SPTB: variants seen among roughly 807,000 people sequenced by gnomAD.
The protein encoded by SPTB is spectrin beta, erythrocytic, also known as spectrin beta chain, erythrocytic.
In SPTB, 45 loss-of-function variants were observed where a neutral mutation model predicts 256.2. That is an observed-to-expected ratio of 0.18 (90% CI 0.14 to 0.23). The LOEUF (loss-of-function observed/expected upper bound fraction) is 0.23, where lower values mean the gene tolerates loss of function less well. Ranked by LOEUF, SPTB falls within the 10% of genes least tolerant of loss-of-function variation. SPTB has a pLI of 1.00. For synonymous variants in SPTB, 1,231 were observed against 1,243.1 expected (o/e 0.99, Z 0.21); for missense variants, 2,715 against 3,040.4 (o/e 0.89, Z 2.52).
In SPTB at chr14:64,872,206, C is replaced by G. The variant is rs979124413; in HGVS notation, c.-52+7586G>C. On this transcript the variant is annotated intron_variant, in intron 1 of 35. Transcript: ENST00000644917. ...ATACATCACCATCTCAGTAAACGAC[C>G]TTTTTGTTCATCCAGTTGTTCAGGC... 2.6e-5 allele frequency among the ~76,000 whole-genome samples: 4 copies of G among 152,274 alleles called. No homozygotes were observed. In the South Asian group the frequency reaches 8.3e-4, roughly 32 times the overall value.
At chr14:64,782,919 G>A (rs938063636) in intron 19 of SPTB, among the ~76,000 whole-genome samples, 1 of 152,100 alleles carries the variant, frequency 6.6e-6, no homozygotes, top group Non-Finnish European at 1.5e-5. Flanking sequence ...GCTGGTAGGG[G>A]AAGCTGGGCA....
rs560293962 is a variant in SPTB at position 64,820,393 on chromosome 14, C to T, written c.148+2554G>A. ...TTTAGACCTTTCCAAAGCTTTAGCT[C>T]AAGCCCAGGTCACTTAGAGTGGACT... On this transcript the variant is annotated intron_variant, in intron 2 of 35. Transcript: ENST00000644917. Among the ~76,000 whole-genome samples, 11 of 152,334 alleles carry T rather than the reference C, an allele frequency of 7.2e-5. No homozygotes were observed. In the South Asian group the frequency reaches 8.3e-4, roughly 11 times the overall value.
chr14:64,774,342 G>C, intron 24 of SPTB, 55 bp downstream of exon 24: 1 of 1,543,452 alleles, frequency 6.5e-7, no homozygotes, highest in Non-Finnish European at 8.8e-7. Context: ...TTGGCTGGTG[G>C]GCCCCTGGCT....
At chr14:64,766,178 G>A (rs2082177484) in intron 32 of SPTB, among the ~76,000 whole-genome samples, 1 of 150,716 alleles carries the variant, frequency 6.6e-6, no homozygotes, top group Admixed American at 6.6e-5. Flanking sequence ...GTGTATGTGT[G>A]TGTGTATGTG....
rs544162912 is a variant in SPTB, at chr14:64,844,143, G to A, written c.-51-20998C>T. ...CCCAGGCTGGGTAGAGAATCTTCAC[G>A]AAGAATGTGATGGCCATGATCTCCA... On this transcript the variant is annotated intron_variant, in intron 1 of 35. Transcript: ENST00000644917. This position sits in a 1 kb window ranked among gnomAD's most constrained non-coding sequence, Gnocchi z 4.1. 6.6e-5 allele frequency among the ~76,000 whole-genome samples: 10 copies of A among 152,130 alleles called. No homozygotes were observed. The East Asian group carries it at 9.6e-4, about 15-fold the overall frequency.
chr14:64,767,150 G>A (rs533150213), intron 31 of SPTB, among the ~76,000 whole-genome samples, 153 bp downstream of exon 31: 19 of 152,308 alleles, frequency 1.2e-4, no homozygotes, highest in Admixed American at 4.6e-4. Context: ...GGTCCTCTGC[G>A]CTCATGCTCA....
At chr14:64,776,170 C>T (rs1388354541) in intron 22 of SPTB, among the ~76,000 whole-genome samples, 1 of 152,186 alleles carries the variant, frequency 6.6e-6, no homozygotes, top group Non-Finnish European at 1.5e-5. Context: ...TCTTCCCTCT[C>T]TATATAATTT....
chr14:64,852,610 G>A lies in SPTB; in HGVS notation c.-52+27182C>T, dbSNP rs1255407036. Among the ~76,000 whole-genome samples, 1 of 152,180 alleles carries A rather than the reference G, an allele frequency of 6.6e-6. No homozygotes were observed. The highest frequency in any genetic ancestry group is 1.5e-5 in the Non-Finnish European group (1 of 68,028). On this transcript the variant is annotated intron_variant, in intron 1 of 35. Transcript: ENST00000644917. The surrounding 1 kb of genome is among the most constrained non-coding windows in gnomAD (Gnocchi z 4.2). ...TAGCCAAGATGGTGGGGAGCAATCA[G>A]CTTACAAAACTATGTAGGATACTGG...
At chr14:64,818,881 A>G (rs746374411) in intron 2 of SPTB, among the ~76,000 whole-genome samples, 1 of 152,206 alleles carries the variant, frequency 6.6e-6, no homozygotes, top group Non-Finnish European at 1.5e-5. Flanking sequence ...TAATCCCTGA[A>G]AACAGGTCCA....
chr14:64,879,446 T>A (rs1437886205), intron 1 of SPTB, among the ~76,000 whole-genome samples: 1 of 152,024 alleles, frequency 6.6e-6, no homozygotes, highest in Non-Finnish European at 1.5e-5. Flanking sequence ...CAGGCCGGGG[T>A]CCTGGAGAAG....
chr14:64,869,448 T>C (rs1882390688), intron 1 of SPTB, among the ~76,000 whole-genome samples: 1 of 151,988 alleles, frequency 6.6e-6, no homozygotes, highest in African/African-American at 2.4e-5. Context: ...AATTTTTAAT[T>C]AATATATTTA....
chr14:64,774,194 G>A lies in SPTB; in HGVS notation c.4973+203C>T, dbSNP rs902378521. ...TGATCATTTCGAAAACCAGGGCCTC[G>A]ATGGCCCAGCTGGAAGTGATTCACA... On this transcript the variant is annotated intron_variant, in intron 24 of 35. Coordinates refer to ENST00000644917, the MANE Select transcript of SPTB (RefSeq NM_001355436.2). Among the ~76,000 whole-genome samples, 8 of 152,204 alleles carry A rather than the reference G, an allele frequency of 5.3e-5. 1 individual carries two copies. Among genetic ancestry groups the A allele is most frequent in the Admixed American group, 1.3e-4 (2 of 15,286 alleles).
In SPTB at chr14:64,800,859, G is replaced by C; in HGVS notation, c.773C>G (p.Thr258Arg). 6.2e-7 allele frequency: 1 copy of C among 1,613,614 alleles called. No individual in the cohort carries two copies. The highest frequency in any genetic ancestry group is 8.5e-7 in the Non-Finnish European group (1 of 1,179,650). The change falls in exon 8 of 36, where the codon ACG becomes AGG. Residue 258 changes from threonine to arginine, a missense_variant. By Grantham distance (71) the Thr-to-Arg change is moderately conservative (BLOSUM62 -1). This residue lies in a region of SPTB where 416 missense variants were observed against 571.1 expected (regional missense o/e 0.73). Transcript: ENST00000644917. ...GATGGATTTCTCATCAGGGTTTTCCGTAAAGACATCTGTTAGGGAAAAGGG... is the reference window on the plus strand; with the variant it reads ...GATGGATTTCTCATCAGGGTTTTCCCTAAAGACATCTGTTAGGGAAAAGGG... ...IPLLDPEDVF[T>R]ENPDEKSIIT... is the part of the protein sequence containing the mutation.
intron 28 of SPTB, 118 bp downstream of exon 28, chr14:64,769,472 G>C: frequency 7.2e-7 from 1 of 1,393,076 alleles, no homozygotes. Context: ...CCATGAGTGA[G>C]AGCAAGACAA....
chr14:64,772,243 C>A lies in SPTB; in HGVS notation c.5553+337G>T, dbSNP rs1371910220. The stretch of plus-strand genomic sequence containing the variant: ...ATTAGTAGCTGCCTCAGAGGACTGC[C>A]ATGAGGGTCCAGCGGCTACATACAT... On this transcript the variant is annotated intron_variant, in intron 26 of 35. Transcript: ENST00000644917. This position sits in a 1 kb window ranked among gnomAD's most constrained non-coding sequence, Gnocchi z 5.4. Among the ~76,000 whole-genome samples the A allele has an allele frequency of 1.3e-5, 2 of 152,218 alleles. No individual in the cohort carries two copies. Among genetic ancestry groups the A allele is most frequent in the African/African-American group, 2.4e-5 (1 of 41,466 alleles).
intron 13 of SPTB, among the ~76,000 whole-genome samples, chr14:64,794,174 G>T (rs796798119): frequency 1.3e-5 from 2 of 152,032 alleles, no homozygotes; most frequent in Non-Finnish European, 2.9e-5. Flanking sequence ...ATGCAGTGAG[G>T]TCTCTTATTT....
At chr14:64,842,776 G>A (rs1052995628) in intron 1 of SPTB, among the ~76,000 whole-genome samples, 30 of 152,168 alleles carry the variant, frequency 2.0e-4, no homozygotes, top group African/African-American at 6.7e-4. Flanking sequence ...CTCTACTTGT[G>A]GCACTTAAAA....
At chr14:64,865,234 C>G (rs531202386) in intron 1 of SPTB, among the ~76,000 whole-genome samples, 32 of 152,050 alleles carry the variant, frequency 2.1e-4, no homozygotes, top group Middle Eastern at 3.4e-3. Flanking sequence ...ACACTGCTCA[C>G]CAGACTCTGC....
At position 64,749,308 on chromosome 14, in the gene SPTB, ACTT is replaced by A. The variant is rs747325010; in HGVS notation, c.6982_6984del (p.Lys2328del). ...GCCGCGCCCGCCAGCCCCACCTGCT[ACTT>A]CTTTTTGGGGAAGAAGCTGAATCTC... On this transcript the variant is annotated inframe_deletion, in exon 36 of 36. Transcript: ENST00000644917. The surrounding 1 kb of genome is among the most constrained non-coding windows in gnomAD (Gnocchi z 4.7). 2.4e-5 allele frequency: 39 copies of A among 1,600,482 alleles called. No individual in the cohort carries two copies. The highest frequency in any genetic ancestry group is 1.1e-4 in the South Asian group (10 of 89,662).
Sources: gnomAD v4.1 joint callset for allele counts (sites outside exome capture counted in the v4.1 genomes callset) on GRCh38, gnomAD v4.1.1 for gene constraint, gnomAD v4.1.1 regional missense constraint, Gnocchi (gnomAD v3.1) non-coding constraint, MANE v1.5 for transcripts, NCBI Gene and HGNC (gene_info 2026-07-23, HGNC 2026-07-21) for gene names.